ANTXRL: variants seen among roughly 807,000 people sequenced by gnomAD.
ANTXRL encodes the protein anthrax toxin receptor-like.
ANTXRL carries 63 observed loss-of-function variants against 75.4 expected under a neutral mutation model. The observed-to-expected ratio is 0.84, with a 90% confidence interval of 0.68 to 1.03. The LOEUF is 1.03. Ranked by LOEUF, ANTXRL falls within the 50% of genes least tolerant of loss-of-function variation. The probability of loss-of-function intolerance (pLI) is 0.00; values close to 1 mark genes in which losing one functional copy is unlikely to be tolerated. For missense variants in ANTXRL, 797 were observed against 789.4 expected (o/e 1.01, Z -0.12); for synonymous variants, 335 against 291.3 (o/e 1.15, Z -1.53).
intron 10 of ANTXRL, among the ~76,000 whole-genome samples, chr10:46,306,236 G>C (rs1251830625): frequency 6.6e-6 from 1 of 152,188 alleles, no homozygotes. Flanking sequence ...ATTCATGGAA[G>C]TTTGCAACAC....
chr10:46,323,487 T>C, intron 16 of ANTXRL, among the ~76,000 whole-genome samples: 1 of 152,164 alleles, frequency 6.6e-6, no homozygotes, highest in East Asian at 1.9e-4. Context: ...AGATGCTAGA[T>C]GGCTTGCTGA....
At chr10:46,310,682 G>A (rs1156662671) in intron 14 of ANTXRL, among the ~76,000 whole-genome samples, 183 bp downstream of exon 14, 2 of 152,012 alleles carry the variant, frequency 1.3e-5, no homozygotes, top group African/African-American at 2.4e-5. Flanking sequence ...TGCCCTTTCC[G>A]CTCCCTGCAC....
At chr10:46,288,127 A>G (rs1386724258) in intron 1 of ANTXRL, among the ~76,000 whole-genome samples, 1 of 152,156 alleles carries the variant, frequency 6.6e-6, no homozygotes, top group Non-Finnish European at 1.5e-5. Context: ...TCACCAGGAA[A>G]GAAAAGAGGC....
intron 10 of ANTXRL, 149 bp downstream of exon 10, chr10:46,302,969 T>A: frequency 1.5e-6 from 1 of 653,776 alleles, no homozygotes; most frequent in South Asian, 1.9e-5. Flanking sequence ...AAGGAGGCAC[T>A]GGGAAGGCCG....
chr10:46,327,420 A>G (rs1259709344), intron 16 of ANTXRL, among the ~76,000 whole-genome samples: 1 of 152,072 alleles, frequency 6.6e-6, no homozygotes, highest in Non-Finnish European at 1.5e-5. Context: ...GGAAGCCTGA[A>G]TCCCTGAACA....
rs1554957666 is a variant in ANTXRL at position 46,293,885 on chromosome 10, C to CG, written c.377_378insG (p.Leu127ThrfsTer7). On this transcript the variant is annotated frameshift_variant, in exon 3 of 17. Coordinates refer to ENST00000620264, the MANE Select transcript of ANTXRL (RefSeq NM_001278688.3). LOFTEE classifies it high-confidence loss of function. ...TCCACAGACGGCCAGACTGTCTTGC[C>CG]ACTCACCTCAGACAAGTGAGTGCTG... 2.6e-6 allele frequency: 4 copies of CG among 1,535,586 alleles called. No homozygotes were observed. The highest frequency in any genetic ancestry group is 3.5e-6 in the Non-Finnish European group (4 of 1,146,652).
At chr10:46,301,793 G>C (rs12779838) in intron 9 of ANTXRL, among the ~76,000 whole-genome samples, 2,444 of 152,336 alleles carry the variant, frequency 0.016, 27 homozygotes, top group Non-Finnish European at 0.024. Context: ...CAGGAAGCAG[G>C]GTTCACAGGA....
chr10:46,315,323 G>A (rs1278953700), intron 16 of ANTXRL, among the ~76,000 whole-genome samples: 1 of 152,244 alleles, frequency 6.6e-6, no homozygotes, highest in Admixed American at 6.5e-5. Flanking sequence ...GAGAGAGAGT[G>A]CATCTCAGTG....
rs138814737 is a variant in ANTXRL at position 46,302,333 on chromosome 10, C to T, written c.797-389C>T. Among the ~76,000 whole-genome samples the T allele has an allele frequency of 5.9e-3, 894 of 152,254 alleles. 6 individuals carry two copies. The highest frequency in any genetic ancestry group is 0.036 in the East Asian group (187 of 5,190). ...GTGTCTTCAGGCAGCATTATGGCTC[C>T]GCTTACACCTGACATCAGGGAGGGC... On this transcript the variant is annotated intron_variant, in intron 9 of 16. Coordinates refer to ENST00000620264, the MANE Select transcript of ANTXRL (RefSeq NM_001278688.3).
intron 3 of ANTXRL, among the ~76,000 whole-genome samples, chr10:46,295,779 C>G (rs1837341620): frequency 6.6e-6 from 1 of 152,098 alleles, no homozygotes; most frequent in African/African-American, 2.4e-5. Context: ...AGAGATGGTC[C>G]AAGCAGGGCC....
intron 14 of ANTXRL, among the ~76,000 whole-genome samples, 175 bp downstream of exon 14, chr10:46,310,674 C>T (rs782194491): frequency 6.6e-6 from 1 of 152,052 alleles, no homozygotes; most frequent in Non-Finnish European, 1.5e-5. Context: ...CCCCAGCATG[C>T]CCTTTCCGCT....
chr10:46,310,580 C>A (rs1838361907), intron 14 of ANTXRL, 81 bp downstream of exon 14: 28 of 1,387,314 alleles, frequency 2.0e-5, no homozygotes, highest in Non-Finnish European at 2.8e-5. Flanking sequence ...GAAGCCTGCG[C>A]CCCATGATCT....
chr10:46,290,124 C>T (rs1473649370), intron 1 of ANTXRL, among the ~76,000 whole-genome samples: 1 of 144,874 alleles, frequency 6.9e-6, no homozygotes, highest in Non-Finnish European at 1.5e-5. Flanking sequence ...TCATTGCAAC[C>T]TCCACCTCCC....
At chr10:46,308,331 G>A (rs376680604) in intron 12 of ANTXRL, 8 of 392,074 alleles carry the variant, frequency 2.0e-5, no homozygotes, top group East Asian at 7.6e-5. Context: ...CCTCGCCAGC[G>A]GCCTTCATGC....
intron 16 of ANTXRL, among the ~76,000 whole-genome samples, chr10:46,326,636 G>A (rs1554966571): frequency 6.6e-6 from 1 of 152,130 alleles, no homozygotes; most frequent in Non-Finnish European, 1.5e-5. Flanking sequence ...GTGGTGCCCA[G>A]GAGGAGTGAG....
rs1554963193 is a variant in ANTXRL, at chr10:46,310,510, GT to G, written c.1173+13del. 1.3e-6 allele frequency: 2 copies of G among 1,536,076 alleles called. No individual in the cohort carries two copies. Among genetic ancestry groups the G allele is most frequent in the Middle Eastern group, 1.7e-4 (1 of 5,980 alleles). ...CAGAAGCCAGAAAAGGTAAGTTGCA[GT>G]TCTGGTCCCGATATTGTCACATCCC... is the stretch of plus-strand genomic sequence containing the variant. On this transcript the variant is annotated intron_variant, in intron 14 of 16. Coordinates refer to ENST00000620264, the MANE Select transcript of ANTXRL (RefSeq NM_001278688.3).
At chr10:46,286,176 T>A (rs1216446145), upstream of ANTXRL, among the ~76,000 whole-genome samples, 1 of 152,150 alleles carries the variant, frequency 6.6e-6, no homozygotes, top group African/African-American at 2.4e-5. Context: ...GCCCATTGAC[T>A]CTTGGCAGCT....
At chr10:46,314,818 A>AT (rs1554964370) in intron 16 of ANTXRL, among the ~76,000 whole-genome samples, 1 of 152,086 alleles carries the variant, frequency 6.6e-6, no homozygotes, top group Non-Finnish European at 1.5e-5. Context: ...AGAGTTGCCT[A>AT]AGGCCACCCA....
Position 46,309,205 on chromosome 10 carries a change from A to G in ANTXRL, c.1134+3A>G. The G allele has an allele frequency of 6.5e-7, 1 of 1,535,656 alleles. No homozygotes were observed. The highest frequency in any genetic ancestry group is 8.7e-7 in the Non-Finnish European group (1 of 1,146,696). On this transcript the variant is annotated splice_donor_region_variant and intron_variant, in intron 13 of 16. Coordinates refer to ENST00000620264, the MANE Select transcript of ANTXRL (RefSeq NM_001278688.3). ...TCTGGCGGCTGTGCCGCAAGCAGGC[A>G]AGTGCTCCCTGCCCGCCCAGCTCTG... is the stretch of plus-strand genomic sequence containing the variant.
Sources: allele counts gnomAD v4.1 joint callset (sites outside exome capture counted in the v4.1 genomes callset), GRCh38; gene constraint gnomAD v4.1.1; transcripts MANE v1.5; gene names NCBI Gene and HGNC (gene_info 2026-07-23, HGNC 2026-07-21).